The following ADGRE2 variants were observed in gnomAD, a reference collection of about 807,000 sequenced individuals.
ADGRE2 encodes the protein CD97 antigen.
Under a neutral mutation model 100.8 loss-of-function variants are expected in ADGRE2, and 83 were observed. That is an observed-to-expected ratio of 0.82 (90% confidence interval 0.69 to 0.99). The LOEUF (loss-of-function observed/expected upper bound fraction) is 0.99, where lower values mean the gene tolerates loss of function less well. Ranked by LOEUF, ADGRE2 falls within the 50% of genes least tolerant of loss-of-function variation. The probability of loss-of-function intolerance (pLI) is 0.00; values close to 1 mark genes in which losing one functional copy is unlikely to be tolerated. For missense variants in ADGRE2, 814 were observed against 1,035.7 expected (o/e 0.79, Z 2.94); for synonymous variants, 355 against 413.0 (o/e 0.86, Z 1.70).
chr19:14,766,204 T>C (rs1336130291), intron 7 of ADGRE2, 31 bp downstream of exon 7: 2 of 1,614,012 alleles, frequency 1.2e-6, no homozygotes, highest in Non-Finnish European at 1.7e-6. Context: ...TGTTTGTGGG[T>C]CTCTGGGAAC....
chr19:14,732,425 C>T lies in ADGRE2; in HGVS notation c.*3811G>A, dbSNP rs944170038. The T allele has an allele frequency of 2.1e-4, 32 of 152,210 alleles. No individual in the cohort carries two copies. Among genetic ancestry groups the T allele is most frequent in the African/African-American group, 7.5e-4 (31 of 41,520 alleles). The allele number at this position is 152,210 out of a possible 1,614,324, so 9.4% of individuals were successfully genotyped here. ...ATGACTTGCTTTATTGCAATATTCACATTATTGTGGTGATCTGGAGTGGAG... is the reference window on the plus strand; with the variant it reads ...ATGACTTGCTTTATTGCAATATTCATATTATTGTGGTGATCTGGAGTGGAG... On this transcript the variant is annotated 3_prime_UTR_variant, in exon 21 of 21. Transcript: ENST00000315576.
At chr19:14,732,368 T>A (rs554601942), downstream of ADGRE2, 5 of 152,342 alleles carry the variant, frequency 3.3e-5, no homozygotes, top group South Asian at 1.0e-3. Context: ...GTAAGCATAC[T>A]TTTATGCACA....
At chr19:14,724,734 C>T in the ADGRE2 span, among the ~76,000 whole-genome samples, 1 of 152,284 alleles carries the variant, frequency 6.6e-6, no homozygotes. Context: ...CCATTGCACT[C>T]CAGCCTGGGC....
chr19:14,767,167 G>A, intron 5 of ADGRE2, 58 bp from the exon 6 acceptor site: 3 of 1,591,190 alleles, frequency 1.9e-6, no homozygotes, highest in Non-Finnish European at 2.6e-6. Context: ...TTTCGGGGCT[G>A]AGGGTCCGCC....
chr19:14,765,408 A>C lies in ADGRE2; in HGVS notation c.829-11T>G, dbSNP rs1385201530. On this transcript the variant is annotated splice_polypyrimidine_tract_variant and intron_variant, in intron 9 of 20. Transcript: ENST00000315576. ...GAATCGGGAAAGCGTCTGCAGAGAG[A>C]GGAGATGTGGGGGTCAGAGAGCCTG... 12 of 1,614,132 alleles carry C rather than the reference A, an allele frequency of 7.4e-6. No homozygotes were observed. Among genetic ancestry groups the C allele is most frequent in the African/African-American group, 1.3e-5 (1 of 75,046 alleles).
In ADGRE2 at chr19:14,746,924, A is replaced by G; in HGVS notation, c.2063T>C (p.Phe688Ser). ...LQPEKGFIWG[F>S]LGPVCAIFSV... ...GAAGATGGCGCAGACAGGTCCAAGG[A>G]AGCCCCATATAAATCCCTTTTCTGG... is the stretch of plus-strand genomic sequence containing the variant. Residue 688 changes from phenylalanine (F) to serine (S), a missense_variant, in exon 17 of 21, where the codon TTC becomes TCC. Phe to Ser is a radical substitution (Grantham distance 155, BLOSUM62 -2). This residue lies in a region of ADGRE2 where 569 missense variants were observed against 692.7 expected (regional missense o/e 0.82). Coordinates refer to ENST00000315576, the MANE Select transcript of ADGRE2 (RefSeq NM_013447.4). The G allele has an allele frequency of 6.2e-7, 1 of 1,613,900 alleles. No homozygotes were observed. The highest frequency in any genetic ancestry group is 8.5e-7 in the Non-Finnish European group (1 of 1,179,956).
At chr19:14,741,317 G>A (rs1284722036) in intron 20 of ADGRE2, among the ~76,000 whole-genome samples, 6 of 151,604 alleles carry the variant, frequency 4.0e-5, no homozygotes, top group African/African-American at 1.2e-4. Flanking sequence ...GGCTGGTCTC[G>A]AACTCCTGGC....
At chr19:14,752,787 T>TTG (rs1475886097) in intron 14 of ADGRE2, among the ~76,000 whole-genome samples, 2 of 151,494 alleles carry the variant, frequency 1.3e-5, no homozygotes, top group African/African-American at 4.9e-5. Context: ...TGCTAATTTT[T>TTG]TTTTTTGACA....
chr19:14,770,203 A>G (rs570097421), intron 5 of ADGRE2, among the ~76,000 whole-genome samples: 11 of 152,168 alleles, frequency 7.2e-5, no homozygotes, highest in South Asian at 6.2e-4. Flanking sequence ...TCCTTGGGTC[A>G]TGAGTGAGTT....
rs537600015 is a variant in ADGRE2 at position 14,741,634 on chromosome 19, G to A, written c.2463+1786C>T. On this transcript the variant is annotated intron_variant, in intron 20 of 20. Transcript: ENST00000315576. ...TGGGACTACAGTCGCCCACCACCAC[G>A]CCTGGCTATTTTTTTTTTTTTTTTG... The A allele has an allele frequency of 5.7e-3, 873 of 152,644 alleles. 2 individuals are homozygous for A. The highest frequency in any genetic ancestry group is 7.1e-3 in the Non-Finnish European group (494 of 69,336). The allele number at this position is 152,644 out of a possible 1,614,324, so 9.5% of individuals were successfully genotyped here.
rs147300399 is a variant in ADGRE2, at chr19:14,743,740, C to T, written c.2228G>A (p.Cys743Tyr). 1 of 1,614,220 alleles carries T rather than the reference C, an allele frequency of 6.2e-7. No homozygotes were observed. Among genetic ancestry groups the T allele is most frequent in the South Asian group, 1.1e-5 (1 of 91,082 alleles). Residue 743 changes from cysteine (C) to tyrosine (Y), a missense_variant, in exon 19 of 21, where the codon TGC becomes TAC. Coordinates refer to ENST00000315576, the MANE Select transcript of ADGRE2 (RefSeq NM_013447.4). ...CTGCAAGATGCCCAGACACCACGTG[C>T]AGCCCAGGATGAACAGCTGAGCTGT... ...KATAQLFILG[C>Y]TWCLGILQVG...
At chr19:14,775,642 T>C (rs2044406485) in intron 2 of ADGRE2, among the ~76,000 whole-genome samples, 1 of 152,090 alleles carries the variant, frequency 6.6e-6, no homozygotes, top group South Asian at 2.1e-4. Flanking sequence ...GCAGATCATC[T>C]GAGGTCGGGA....
Position 14,764,617 on chromosome 19 carries a change from G to A in ADGRE2, c.907-7C>T, listed in dbSNP as rs1282607125. The A allele has an allele frequency of 4.4e-6, 7 of 1,608,244 alleles. No individual in the cohort carries two copies. The highest frequency in any genetic ancestry group is 1.7e-5 in the Admixed American group (1 of 59,484). ...CCAGCGCCTGTAAGATGCTCTGGAGGGATGTGGACACAGACCTAGTGAGCC... is the reference window on the plus strand; with the variant it reads ...CCAGCGCCTGTAAGATGCTCTGGAGAGATGTGGACACAGACCTAGTGAGCC... On this transcript the variant is annotated splice_region_variant and splice_polypyrimidine_tract_variant and intron_variant, in intron 10 of 20. Coordinates refer to ENST00000315576, the MANE Select transcript of ADGRE2 (RefSeq NM_013447.4).
chr19:14,765,387 C>A lies in ADGRE2; in HGVS notation c.839G>T (p.Arg280Leu). The A allele has an allele frequency of 6.2e-7, 1 of 1,614,088 alleles. No homozygotes were observed. The highest frequency in any genetic ancestry group is 1.1e-5 in the South Asian group (1 of 91,072). The change falls in exon 10 of 21, where the codon CGA (arginine) becomes CTA (leucine). Residue 280 changes from arginine to leucine, a missense_variant. Transcript: ENST00000315576. ...CAGGTCCTGGACTTTGTCGAAGAAT[C>A]GGGAAAGCGTCTGCAGAGAGAGGAG... ...PPGVHSQTLS[R>L]FFDKVQDLGR...
rs572739632 is a variant in ADGRE2 at position 14,770,309 on chromosome 19, G to A, written c.355+2033C>T. Among the ~76,000 whole-genome samples the A allele has an allele frequency of 6.6e-5, 10 of 152,236 alleles. No individual in the cohort carries two copies. The South Asian group carries it at 1.9e-3, about 28-fold the overall frequency. On this transcript the variant is annotated intron_variant, in intron 5 of 20. Coordinates refer to ENST00000315576, the MANE Select transcript of ADGRE2 (RefSeq NM_013447.4). ...TCCTTCCTCTTGCCATGGGATGCCA[G>A]CTTCCCCTTTCCCGTCTGCCAAGAG...
intron 5 of ADGRE2, among the ~76,000 whole-genome samples, chr19:14,770,589 TC>T (rs1412415191): frequency 6.6e-6 from 1 of 151,956 alleles, no homozygotes; most frequent in African/African-American, 2.4e-5. Flanking sequence ...TGAAAACCTC[TC>T]CATTCCCCAA....
chr19:14,728,304 A>G (rs922148504), downstream of ADGRE2, among the ~76,000 whole-genome samples: 3 of 152,186 alleles, frequency 2.0e-5, no homozygotes, highest in Non-Finnish European at 4.4e-5. Context: ...TATTTTTTCT[A>G]TCTACAGGCT....
rs762040959 is a variant in ADGRE2, at chr19:14,774,008, G to A, written c.129C>T (p.Thr43=). 1.1e-5 allele frequency: 17 copies of A among 1,613,968 alleles called. No homozygotes were observed. The highest frequency in any genetic ancestry group is 1.4e-5 in the Non-Finnish European group (16 of 1,180,036). Residue 43 remains threonine, a synonymous_variant, in exon 4 of 21, where the codon ACC becomes ACT. Transcript: ENST00000315576. ...CPQDSSCVNA[T]ACRCNPGFSS... ...TGAACCCTGGATTGCAGCGACAGGC[G>A]GTGGCATTGACACACGAGGAGTCCT...
Position 14,765,742 on chromosome 19 carries a change from C to T in ADGRE2, c.697G>A (p.Val233Met), listed in dbSNP as rs377729863. The T allele has an allele frequency of 1.7e-5, 27 of 1,613,054 alleles. No homozygotes were observed. The highest frequency in any genetic ancestry group is 1.1e-4 in the East Asian group (5 of 44,868). Residue 233 changes from valine to methionine, a missense_variant, in exon 8 of 21, where the codon GTG becomes ATG. By Grantham distance (21) the Val-to-Met change is conservative. Coordinates refer to ENST00000315576, the MANE Select transcript of ADGRE2 (RefSeq NM_013447.4). ...CGGCAGCGGCAGCTGTATGAACCCA[C>T]GGTGTTGAAGCAGACGGTGGAGCTG... The part of the protein sequence containing the change: ...CDSSTVCFNT[V>M]GSYSCRCRPG...
Sources: allele counts gnomAD v4.1 joint callset (sites outside exome capture counted in the v4.1 genomes callset), GRCh38; gene constraint gnomAD v4.1.1; regional missense constraint gnomAD v4.1.1; transcripts MANE v1.5; gene names NCBI Gene and HGNC (gene_info 2026-07-23, HGNC 2026-07-21).